The following COL26A1 variants were observed in gnomAD, a reference collection of about 807,000 sequenced individuals.
The protein encoded by COL26A1 is collagen alpha-1(XXVI) chain.
In COL26A1, 41 loss-of-function variants were observed where a neutral mutation model predicts 59.3. That is an observed-to-expected ratio of 0.69 (90% confidence interval 0.54 to 0.90). The LOEUF (loss-of-function observed/expected upper bound fraction) is 0.90. Ranked by LOEUF, COL26A1 falls within the 40% of genes least tolerant of loss-of-function variation. COL26A1 has a pLI of 0.00. For missense variants in COL26A1, 612 were observed against 602.3 expected (o/e 1.02, Z -0.17); for synonymous variants, 266 against 256.0 (o/e 1.04, Z -0.37).
intron 1 of COL26A1, among the ~76,000 whole-genome samples, chr7:101,403,552 A>C (rs1584377475): frequency 6.6e-6 from 1 of 151,802 alleles, no homozygotes; most frequent in African/African-American, 2.4e-5. Flanking sequence ...AAACAAAAAA[A>C]CTTTTTGTAG....
At chr7:101,519,264 C>T (rs575657465) in intron 3 of COL26A1, among the ~76,000 whole-genome samples, 1 of 152,160 alleles carries the variant, frequency 6.6e-6, no homozygotes, top group African/African-American at 2.4e-5. Flanking sequence ...TCACTGACTC[C>T]TGAGGTTTCC....
intron 1 of COL26A1, among the ~76,000 whole-genome samples, chr7:101,375,324 G>A (rs959066684): frequency 6.6e-6 from 1 of 151,614 alleles, no homozygotes; most frequent in African/African-American, 2.4e-5. Flanking sequence ...CCATATGAAA[G>A]GATAAAGGCT....
chr7:101,445,005 T>C (rs1041672891), intron 2 of COL26A1, among the ~76,000 whole-genome samples: 3 of 151,444 alleles, frequency 2.0e-5, no homozygotes, highest in Non-Finnish European at 2.9e-5. Flanking sequence ...CATGCCTGGC[T>C]AATTTTTGTA....
chr7:101,413,772 A>G (rs1450485449), intron 1 of COL26A1, among the ~76,000 whole-genome samples: 1 of 152,018 alleles, frequency 6.6e-6, no homozygotes, highest in Admixed American at 6.6e-5. Flanking sequence ...GAGTGTGTTC[A>G]TTTCTTGGCA....
chr7:101,522,422 C>T (rs1795157078), intron 3 of COL26A1, among the ~76,000 whole-genome samples: 1 of 152,154 alleles, frequency 6.6e-6, no homozygotes, highest in Admixed American at 6.6e-5. Flanking sequence ...AGTTTATTTC[C>T]TCACAGCTCT....
At chr7:101,390,468 C>T (rs1791703302) in intron 1 of COL26A1, among the ~76,000 whole-genome samples, 1 of 152,106 alleles carries the variant, frequency 6.6e-6, no homozygotes, top group African/African-American at 2.4e-5. Context: ...CTCTGTTGTT[C>T]AGGCTGGAGG....
Position 101,545,376 on chromosome 7 carries a change from G to A in COL26A1, c.742G>A (p.Glu248Lys). 4.4e-6 allele frequency: 7 copies of A among 1,587,588 alleles called. No homozygotes were observed. The highest frequency in any genetic ancestry group is 6.0e-6 in the Non-Finnish European group (7 of 1,171,022). Residue 248 changes from glutamate to lysine, a missense_variant, in exon 7 of 13, where the codon GAG becomes AAG. Physicochemically the swap from Glu to Lys is moderately conservative, Grantham distance 56 (BLOSUM62 1). Transcript: ENST00000313669. ...TCCAGGGCCCCGTGGGCTTCCTGGA[G>A]AGATGGGGCGCCCCGGCCCCCCAGG... ...GPPGPRGLPG[E>K]MGRPGPPGPP...
At chr7:101,415,921 C>CCATGCCTGGTCAGAATT (rs1470889068) in intron 1 of COL26A1, among the ~76,000 whole-genome samples, 7 of 145,778 alleles carry the variant, frequency 4.8e-5, no homozygotes, top group South Asian at 2.2e-4. Flanking sequence ...GCGTGAGCCA[C>CCATGCCTGGTCAGAATT]TGCACCCAAC....
intron 2 of COL26A1, among the ~76,000 whole-genome samples, chr7:101,438,889 T>G (rs7788526): frequency 0.9 from 136,238 of 150,622 alleles, 62,142 homozygotes; most frequent in Middle Eastern, 0.98. Context: ...TCACCATGTT[T>G]GTCAGGCTGG....
chr7:101,450,125 A>AAG (rs1456501309), intron 3 of COL26A1, among the ~76,000 whole-genome samples: 5 of 147,850 alleles, frequency 3.4e-5, no homozygotes, highest in Non-Finnish European at 7.5e-5. Context: ...CTCAGTCTCA[A>AAG]AAAAAAAAAA....
At chr7:101,502,079 G>T (rs959346029) in intron 3 of COL26A1, among the ~76,000 whole-genome samples, 2 of 152,236 alleles carry the variant, frequency 1.3e-5, no homozygotes, top group African/African-American at 4.8e-5. Flanking sequence ...GCCGGGTGCG[G>T]TGGCTGACGC....
At chr7:101,512,533 G>C (rs1183697577) in intron 3 of COL26A1, among the ~76,000 whole-genome samples, 2 of 152,114 alleles carry the variant, frequency 1.3e-5, no homozygotes, top group Non-Finnish European at 2.9e-5. Flanking sequence ...GAGGCAGGAG[G>C]GTCGCCTGAG....
At chr7:101,545,031 G>A (rs1249013934) in intron 6 of COL26A1, among the ~76,000 whole-genome samples, 1 of 152,166 alleles carries the variant, frequency 6.6e-6, no homozygotes, top group African/African-American at 2.4e-5. Flanking sequence ...CCTGCCACAG[G>A]GCTGAAGTCC....
At chr7:101,406,656 C>T (rs536156063) in intron 1 of COL26A1, among the ~76,000 whole-genome samples, 2 of 152,234 alleles carry the variant, frequency 1.3e-5, no homozygotes, top group Non-Finnish European at 2.9e-5. Context: ...TCTTTAAAAA[C>T]TTTCCATGTG....
chr7:101,366,503 TTTTTTTTTTTTTTTA>T, intron 1 of COL26A1, among the ~76,000 whole-genome samples: 1 of 26,300 alleles, frequency 3.8e-5, no homozygotes, highest in South Asian at 1.1e-3. Flanking sequence ...TTTTTTTTTT[TTTTTTTTTTTTTTTA>T]AAGACAGGGT....
At chr7:101,553,193 G>C (rs1020783806) in intron 10 of COL26A1, 133 bp from the exon 11 acceptor site, 12 of 739,394 alleles carry the variant, frequency 1.6e-5, no homozygotes, top group Non-Finnish European at 2.5e-5. Context: ...AGTCCCCTGG[G>C]CCCAGCACCC....
intron 2 of COL26A1, among the ~76,000 whole-genome samples, chr7:101,422,628 C>G (rs1318215326): frequency 1.5e-5 from 2 of 135,512 alleles, no homozygotes; most frequent in East Asian, 4.2e-4. Context: ...GGAGAAGTGG[C>G]TGTCCTACTC....
chr7:101,556,480 T>C (rs1220348158), intron 12 of COL26A1, among the ~76,000 whole-genome samples: 1 of 150,236 alleles, frequency 6.7e-6, no homozygotes, highest in African/African-American at 2.5e-5. Flanking sequence ...GGTGGATGCA[T>C]AGATAGATGA....
At chr7:101,479,484 G>T (rs893854544) in intron 3 of COL26A1, among the ~76,000 whole-genome samples, 1 of 152,302 alleles carries the variant, frequency 6.6e-6, no homozygotes, top group Middle Eastern at 3.4e-3. Flanking sequence ...GCTGTTGAAA[G>T]ATTTACTGAA....
Sources: allele counts gnomAD v4.1 joint callset (sites outside exome capture counted in the v4.1 genomes callset), GRCh38; gene constraint gnomAD v4.1.1; transcripts MANE v1.5; gene names NCBI Gene and HGNC (gene_info 2026-07-23, HGNC 2026-07-21).